The following PPFIA2 variants were observed in gnomAD, a reference collection of about 807,000 sequenced individuals.
PPFIA2 encodes the protein PPFI scaffold protein A2.
A neutral mutation model predicts 175.5 loss-of-function variants in PPFIA2; 46 were observed. The ratio of observed to expected loss-of-function variants is 0.26; its 90% CI spans 0.21 to 0.34. The LOEUF is 0.34. Ranked by LOEUF, PPFIA2 falls within the 10% of genes least tolerant of loss-of-function variation. The pLI, the probability that PPFIA2 is intolerant of heterozygous loss-of-function variation, is 1.00. For synonymous variants in PPFIA2, 568 were observed against 511.4 expected (o/e 1.11, Z -1.49); for missense variants, 1,179 against 1,506.1 (o/e 0.78, Z 3.60).
intron 4 of PPFIA2, among the ~76,000 whole-genome samples, chr12:81,603,063 C>T (rs1445229757): frequency 6.6e-6 from 1 of 151,734 alleles, no homozygotes; most frequent in African/African-American, 2.4e-5. Flanking sequence ...AATTAAAAAT[C>T]AGCCTGGTCA....
chr12:81,601,644 T>A (rs907724817), intron 4 of PPFIA2, among the ~76,000 whole-genome samples: 10 of 151,642 alleles, frequency 6.6e-5, no homozygotes, highest in African/African-American at 1.9e-4. Flanking sequence ...GCCCAAGAAG[T>A]CCTAATGGGC....
chr12:81,540,690 G>T (rs1035449223), intron 4 of PPFIA2, among the ~76,000 whole-genome samples: 10 of 151,748 alleles, frequency 6.6e-5, no homozygotes, highest in Non-Finnish European at 1.2e-4. Context: ...GATACAAATG[G>T]AGTATTCAAA....
chr12:81,392,043 A>C (rs540292909), intron 8 of PPFIA2, among the ~76,000 whole-genome samples: 1 of 152,016 alleles, frequency 6.6e-6, no homozygotes, highest in South Asian at 2.1e-4. Flanking sequence ...TTTCACTTAC[A>C]TTTTCGATGG....
At chr12:81,756,291 C>A (rs1252177388) in intron 2 of PPFIA2, among the ~76,000 whole-genome samples, 2 of 152,084 alleles carry the variant, frequency 1.3e-5, no homozygotes, top group African/African-American at 4.8e-5. Context: ...AAATTACGTC[C>A]TTCTTGAATG....
chr12:81,285,516 A>C (rs1017353695), intron 24 of PPFIA2, among the ~76,000 whole-genome samples: 3 of 152,104 alleles, frequency 2.0e-5, no homozygotes, highest in Non-Finnish European at 4.4e-5. Context: ...ATACATACAT[A>C]TATACAGTCA....
At chr12:81,578,852 T>C (rs2073993076) in intron 4 of PPFIA2, among the ~76,000 whole-genome samples, 2 of 151,952 alleles carry the variant, frequency 1.3e-5, no homozygotes, top group Middle Eastern at 3.4e-3. Flanking sequence ...TTGCTAGATA[T>C]CATAAATGCC....
At chr12:81,378,199 C>A (rs1379454226) in intron 9 of PPFIA2, 1 of 151,836 alleles carries the variant, frequency 6.6e-6, no homozygotes, top group African/African-American at 2.4e-5. Flanking sequence ...TTAAAGCCTC[C>A]AAAACAGTGA....
intron 8 of PPFIA2, among the ~76,000 whole-genome samples, chr12:81,402,120 T>C (rs1361161426): frequency 6.6e-6 from 1 of 152,064 alleles, no homozygotes; most frequent in East Asian, 1.9e-4. Flanking sequence ...CCACCCTGAC[T>C]GTGTAACTTA....
chr12:81,345,604 G>T (rs2058932104), intron 18 of PPFIA2, among the ~76,000 whole-genome samples: 1 of 152,020 alleles, frequency 6.6e-6, no homozygotes, highest in Non-Finnish European at 1.5e-5. Context: ...AGACTTAAAA[G>T]TGTAAAACTG....
At chr12:81,726,899 C>CT (rs1462791098) in intron 3 of PPFIA2, among the ~76,000 whole-genome samples, 2 of 151,258 alleles carry the variant, frequency 1.3e-5, no homozygotes, top group Non-Finnish European at 3.0e-5. Flanking sequence ...GCCAATTGCT[C>CT]TTTTTAGTTC....
At chr12:81,596,222 GA>G (rs575295226) in intron 4 of PPFIA2, among the ~76,000 whole-genome samples, 2,014 of 142,660 alleles carry the variant, frequency 0.014, 44 homozygotes, top group African/African-American at 0.047. Context: ...CTTTCTTTTG[GA>G]AAAAAAAAAG....
intron 22 of PPFIA2, among the ~76,000 whole-genome samples, chr12:81,315,800 A>G (rs975565036): frequency 1.3e-5 from 2 of 151,718 alleles, no homozygotes; most frequent in Non-Finnish European, 3.0e-5. Context: ...TGGGGCCTTT[A>G]AAGATAAATA....
intron 4 of PPFIA2, among the ~76,000 whole-genome samples, chr12:81,502,112 C>A (rs1164350052): frequency 1.3e-5 from 2 of 152,122 alleles, no homozygotes; most frequent in Non-Finnish European, 2.9e-5. Context: ...ATGCCCTTTT[C>A]TCATTATGAG....
intron 30 of PPFIA2, among the ~76,000 whole-genome samples, chr12:81,266,678 C>T (rs1348772783): frequency 6.6e-6 from 1 of 151,852 alleles, no homozygotes; most frequent in African/African-American, 2.4e-5. Flanking sequence ...ATAATGTTGC[C>T]CAACGTTTTG....
At chr12:81,469,699 C>A (rs141460919) in intron 4 of PPFIA2, among the ~76,000 whole-genome samples, 18 of 152,294 alleles carry the variant, frequency 1.2e-4, no homozygotes, top group African/African-American at 3.8e-4. Context: ...AAAGCTCATA[C>A]AACACAAGTT....
chr12:81,660,182 A>G (rs2068562375), intron 4 of PPFIA2, among the ~76,000 whole-genome samples: 1 of 152,198 alleles, frequency 6.6e-6, no homozygotes, highest in Non-Finnish European at 1.5e-5. Flanking sequence ...CCAGCAACGG[A>G]ACAAAGATGG....
At chr12:81,332,968 G>A (rs929860004) in intron 21 of PPFIA2, among the ~76,000 whole-genome samples, 1 of 152,100 alleles carries the variant, frequency 6.6e-6, no homozygotes, top group Non-Finnish European at 1.5e-5. Flanking sequence ...ATATTTTATG[G>A]TGTTTTAGTT....
At position 81,603,815 on chromosome 12, in the gene PPFIA2, C is replaced by G. The variant is rs188218949; in HGVS notation, c.303+72976G>C. 3.0e-4 allele frequency among the ~76,000 whole-genome samples: 32 copies of G among 105,128 alleles called. No individual in the cohort carries two copies. In the Admixed American group the frequency reaches 3.2e-3, roughly 10 times the overall value. 69.0% of individuals were successfully genotyped at this position (105,128 alleles called of 152,430 possible). A position where few individuals can be genotyped will look rare whatever the true frequency, so the allele number is the denominator to read the frequency against. On this transcript the variant is annotated intron_variant, in intron 4 of 32. Coordinates refer to ENST00000549396, the MANE Select transcript of PPFIA2 (RefSeq NM_003625.5). The stretch of plus-strand genomic sequence containing the variant: ...AATACCTTTTTCAAGGACAGAATCA[C>G]TATTCTGACTAAAAAAAAAAAAAAA...
intron 3 of PPFIA2, among the ~76,000 whole-genome samples, chr12:81,740,796 T>C (rs2082225665): frequency 6.6e-6 from 1 of 152,090 alleles, no homozygotes; most frequent in South Asian, 2.1e-4. Flanking sequence ...TCTGTTGGTA[T>C]CATTCCTTCT....
Sources: allele counts gnomAD v4.1 joint callset (sites outside exome capture counted in the v4.1 genomes callset), GRCh38; gene constraint gnomAD v4.1.1; transcripts MANE v1.5; gene names NCBI Gene and HGNC (gene_info 2026-07-23, HGNC 2026-07-21).